RGS7BP: variants seen among roughly 807,000 people sequenced by gnomAD.
RGS7BP encodes regulator of G protein signaling 7-binding protein.
Under a neutral mutation model 31.3 loss-of-function variants are expected in RGS7BP, and 9 were observed. The ratio of observed to expected loss-of-function variants is 0.29; its 90% confidence interval spans 0.17 to 0.50. RGS7BP has a LOEUF of 0.50. Among genes scored for constraint, RGS7BP ranks in the 20% least tolerant of loss-of-function variants. The pLI is 0.98. For synonymous variants in RGS7BP, 115 were observed against 120.1 expected (o/e 0.96, Z 0.28); for missense variants, 274 against 322.0 (o/e 0.85, Z 1.14).
intron 5 of RGS7BP, among the ~76,000 whole-genome samples, chr5:64,603,888 G>A (rs192897043): frequency 3.1e-4 from 47 of 152,234 alleles, no homozygotes; most frequent in Non-Finnish European, 5.3e-4. Context: ...TAGAAGCAAT[G>A]GGAACGTGAA....
chr5:64,509,795 A>G (rs894356571), intron 2 of RGS7BP, among the ~76,000 whole-genome samples: 3 of 152,198 alleles, frequency 2.0e-5, no homozygotes, highest in African/African-American at 7.2e-5. Flanking sequence ...GTGGGAAAAT[A>G]AGATGTTCTT....
intron 3 of RGS7BP, among the ~76,000 whole-genome samples, chr5:64,589,021 T>C (rs1037254604): frequency 2.3e-4 from 35 of 152,012 alleles, no homozygotes; most frequent in African/African-American, 8.5e-4. Context: ...GATGGGTAGG[T>C]ACGGTGGCTC....
intron 2 of RGS7BP, among the ~76,000 whole-genome samples, chr5:64,563,564 G>A (rs1742102879): frequency 6.6e-6 from 1 of 152,128 alleles, no homozygotes; most frequent in Non-Finnish European, 1.5e-5. Flanking sequence ...GAACTTCAGT[G>A]ATTGCCAGAA....
At position 64,506,604 on chromosome 5, in the gene RGS7BP, C is replaced by A; in HGVS notation, c.-21C>A. 1 of 1,569,056 alleles carries A rather than the reference C, an allele frequency of 6.4e-7. No individual in the cohort carries two copies. ...CCGGGGCGCACTGCACCAGCGGCTTCGGCTTGGTGGATGTGTATGCATGAG... is the reference window on the plus strand; with the variant it reads ...CCGGGGCGCACTGCACCAGCGGCTTAGGCTTGGTGGATGTGTATGCATGAG... On this transcript the variant is annotated 5_prime_UTR_variant, in exon 1 of 6. Transcript: ENST00000334025. This position sits in a 1 kb window ranked among gnomAD's most constrained non-coding sequence, Gnocchi z 4.6.
At position 64,538,546 on chromosome 5, in the gene RGS7BP, C is replaced by CTTTTTTTTTT. The variant is rs1191560944; in HGVS notation, c.332+30688_332+30697dup. ...TTCTTTTCTTTTTTTTTTTCCTTTT[C>CTTTTTTTTTT]TTTTTTTTTTTTTTTTTTTTTTTTT... On this transcript the variant is annotated intron_variant, in intron 2 of 5. Coordinates refer to ENST00000334025, the MANE Select transcript of RGS7BP (RefSeq NM_001029875.3). Among the ~76,000 whole-genome samples, 13 of 40,036 alleles carry CTTTTTTTTTT rather than the reference C, an allele frequency of 3.2e-4. 3 individuals carry two copies. The highest frequency in any genetic ancestry group is 1.0e-3 in the African/African-American group (9 of 8,978). The allele number at this position is 40,036 out of a possible 152,430, so 26.3% of individuals were successfully genotyped here. A position where few individuals can be genotyped will look rare whatever the true frequency, so the allele number is the denominator to read the frequency against.
At chr5:64,549,864 A>G (rs1345923657) in intron 2 of RGS7BP, among the ~76,000 whole-genome samples, 1 of 151,988 alleles carries the variant, frequency 6.6e-6, no homozygotes, top group African/African-American at 2.4e-5. Flanking sequence ...CTTCTTTTAC[A>G]TTTTACTGTA....
intron 2 of RGS7BP, among the ~76,000 whole-genome samples, chr5:64,528,206 C>A (rs539576586): frequency 8.5e-5 from 13 of 152,054 alleles, no homozygotes; most frequent in Non-Finnish European, 1.3e-4. Context: ...TGGGTCCTGG[C>A]GGGGCTGCCC....
intron 5 of RGS7BP, among the ~76,000 whole-genome samples, chr5:64,598,761 A>G (rs1402896458): frequency 6.6e-6 from 1 of 152,226 alleles, no homozygotes; most frequent in Non-Finnish European, 1.5e-5. Flanking sequence ...CCACTTGTGT[A>G]ATTATCTTTA....
chr5:64,603,933 G>A lies in RGS7BP; in HGVS notation c.683-5228G>A, dbSNP rs147908538. Among the ~76,000 whole-genome samples the A allele has an allele frequency of 2.1e-3, 324 of 152,242 alleles. 1 individual carries two copies. The highest frequency in any genetic ancestry group is 7.6e-3 in the African/African-American group (316 of 41,556). On this transcript the variant is annotated intron_variant, in intron 5 of 5. Coordinates refer to ENST00000334025, the MANE Select transcript of RGS7BP (RefSeq NM_001029875.3). ...AAGCATGGAGCAGTCAGAAAAGACT[G>A]CAGGAAAAAAAATGTTTAAGCTAAT...
intron 3 of RGS7BP, among the ~76,000 whole-genome samples, chr5:64,591,367 AAAG>A (rs982686919): frequency 9.1e-4 from 139 of 152,270 alleles, no homozygotes; most frequent in African/African-American, 3.2e-3. Context: ...CAAAAAAAGA[AAAG>A]AAGTTTAACC....
chr5:64,596,854 A>T lies in RGS7BP; in HGVS notation c.612-1511A>T, dbSNP rs1743082890. Among the ~76,000 whole-genome samples, 3 of 152,200 alleles carry T rather than the reference A, an allele frequency of 2.0e-5. No individual in the cohort carries two copies. The South Asian group carries it at 6.2e-4, about 31-fold the overall frequency. ...ATGAGGTCTCCAGAATTACCCTAAG[A>T]AAACGATCCTCAAACCGTGCTCAAC... is the stretch of plus-strand genomic sequence containing the variant. On this transcript the variant is annotated intron_variant, in intron 4 of 5. Coordinates refer to ENST00000334025, the MANE Select transcript of RGS7BP (RefSeq NM_001029875.3).
At chr5:64,521,343 C>T (rs900692401) in intron 2 of RGS7BP, among the ~76,000 whole-genome samples, 11 of 152,166 alleles carry the variant, frequency 7.2e-5, no homozygotes, top group Admixed American at 2.0e-4. Context: ...CTGCAACCTC[C>T]GTCTCCCGGG....
intron 3 of RGS7BP, among the ~76,000 whole-genome samples, chr5:64,585,997 A>G (rs1361261438): frequency 2.6e-5 from 4 of 152,112 alleles, no homozygotes; most frequent in Non-Finnish European, 5.9e-5. Flanking sequence ...AGAGTTTTTC[A>G]TTTCATAATA....
intron 2 of RGS7BP, among the ~76,000 whole-genome samples, chr5:64,508,094 G>A (rs1176907418): frequency 1.3e-5 from 2 of 152,124 alleles, no homozygotes; most frequent in East Asian, 1.9e-4. Context: ...AGAAGATTTG[G>A]ATCAAATGAT....
At position 64,550,827 on chromosome 5, in the gene RGS7BP, G is replaced by A. The variant is rs902101878; in HGVS notation, c.333-24947G>A. Among the ~76,000 whole-genome samples, 40 of 146,974 alleles carry A rather than the reference G, an allele frequency of 2.7e-4. 1 individual carries two copies. The highest frequency in any genetic ancestry group is 8.4e-4 in the African/African-American group (33 of 39,510). On this transcript the variant is annotated intron_variant, in intron 2 of 5. Transcript: ENST00000334025. ...TTCCCATCTATGAGTGAGAACATGCGGTGTTTGGTTTTTTGTCCTTGCGAT... is the reference window on the plus strand; with the variant it reads ...TTCCCATCTATGAGTGAGAACATGCAGTGTTTGGTTTTTTGTCCTTGCGAT...
At chr5:64,526,624 C>A (rs1749237013) in intron 2 of RGS7BP, among the ~76,000 whole-genome samples, 1 of 152,164 alleles carries the variant, frequency 6.6e-6, no homozygotes, top group Admixed American at 6.5e-5. Flanking sequence ...ATGGCCAAGT[C>A]CTAGTCCGAC....
At chr5:64,605,849 G>A (rs1029719689) in intron 5 of RGS7BP, among the ~76,000 whole-genome samples, 9 of 150,880 alleles carry the variant, frequency 6.0e-5, no homozygotes, top group Admixed American at 6.6e-5. Flanking sequence ...ATAAATATAT[G>A]TGTATATGTG....
chr5:64,591,225 T>A (rs761503692), intron 3 of RGS7BP, among the ~76,000 whole-genome samples: 7 of 151,894 alleles, frequency 4.6e-5, no homozygotes, highest in Admixed American at 2.0e-4. Flanking sequence ...AATGGGCAAA[T>A]TACACAAATA....
At chr5:64,559,278 C>T (rs1367343362) in intron 2 of RGS7BP, among the ~76,000 whole-genome samples, 6 of 152,010 alleles carry the variant, frequency 3.9e-5, no homozygotes, top group African/African-American at 1.2e-4. Context: ...TCAGAGCGGC[C>T]GACACTTATG....
Sources: gnomAD v4.1 joint callset for allele counts (sites outside exome capture counted in the v4.1 genomes callset) on GRCh38, gnomAD v4.1.1 for gene constraint, Gnocchi (gnomAD v3.1) non-coding constraint, MANE v1.5 for transcripts, NCBI Gene and HGNC (gene_info 2026-07-23, HGNC 2026-07-21) for gene names.